The following C10orf90 variants were observed in gnomAD, a reference collection of about 807,000 sequenced individuals.
C10orf90 encodes (E2-independent) E3 ubiquitin-conjugating enzyme FATS.
Under a neutral mutation model 62.5 loss-of-function variants are expected in C10orf90, and 56 were observed. That is an observed-to-expected ratio of 0.90 (90% CI 0.72 to 1.12). The LOEUF (loss-of-function observed/expected upper bound fraction) is 1.12, where lower values mean the gene tolerates loss of function less well. C10orf90 is among the 50% of genes most tolerant of loss of function. The probability of loss-of-function intolerance (pLI) is 0.00; values close to 1 mark genes in which losing one functional copy is unlikely to be tolerated. For missense variants in C10orf90, 970 were observed against 880.4 expected (o/e 1.10, Z -1.29); for synonymous variants, 386 against 340.4 (o/e 1.13, Z -1.47).
chr10:126,644,370 G>C (rs542845261), intron 2 of C10orf90, among the ~76,000 whole-genome samples: 46 of 152,344 alleles, frequency 3.0e-4, no homozygotes, highest in African/African-American at 1.1e-3. Flanking sequence ...CTCTTAAACA[G>C]ATGGAAACAA....
chr10:126,624,734 A>AT (rs2133820647), intron 2 of C10orf90, among the ~76,000 whole-genome samples: 1 of 152,174 alleles, frequency 6.6e-6, no homozygotes, highest in East Asian at 1.9e-4. Context: ...CACCTTTTGA[A>AT]TTTTTGCTGA....
At chr10:126,469,977 G>A (rs534441563) in intron 4 of C10orf90, 1 of 456,774 alleles carries the variant, frequency 2.2e-6, no homozygotes, top group East Asian at 6.9e-5. Flanking sequence ...TGCGGAGGCA[G>A]GGAAGGCATT....
rs1276371695 is a variant in C10orf90 at position 126,513,925 on chromosome 10, A to C, written c.328T>G (p.Tyr110Asp). 2.5e-6 allele frequency: 4 copies of C among 1,612,392 alleles called. No individual in the cohort carries two copies. The highest frequency in any genetic ancestry group is 3.4e-6 in the Non-Finnish European group (4 of 1,178,960). Residue 110 changes from tyrosine to aspartate, a missense_variant, in exon 3 of 10, where the codon TAC becomes GAC. Coordinates refer to ENST00000488181, the MANE Select transcript of C10orf90 (RefSeq NM_001350921.2). ...SLSNAGLRDS[Y>D]HSRRDQIALK... ...GCAATTTGATCTCTTCTACTGTGGT[A>C]GCTGTCCCGTAATCCTAGGCAAAAG... is the stretch of plus-strand genomic sequence containing the variant.
chr10:126,553,578 T>C (rs763167328), intron 2 of C10orf90, among the ~76,000 whole-genome samples: 2 of 152,194 alleles, frequency 1.3e-5, no homozygotes, highest in Non-Finnish European at 2.9e-5. Context: ...TTCCTACGTA[T>C]AGATATGTTT....
At chr10:126,468,964 T>C (rs550381949) in intron 4 of C10orf90, among the ~76,000 whole-genome samples, 2 of 152,336 alleles carry the variant, frequency 1.3e-5, no homozygotes, top group South Asian at 2.1e-4. Context: ...AAATCTTCGA[T>C]GTTCTTATAT....
At chr10:126,521,852 C>A (rs944083468) in intron 2 of C10orf90, among the ~76,000 whole-genome samples, 3 of 151,916 alleles carry the variant, frequency 2.0e-5, no homozygotes, top group African/African-American at 4.8e-5. Flanking sequence ...TAATTTATAC[C>A]CAACCAAATT....
intron 7 of C10orf90, among the ~76,000 whole-genome samples, chr10:126,455,962 C>A (rs1315221659): frequency 2.6e-5 from 4 of 152,190 alleles, no homozygotes; most frequent in Non-Finnish European, 5.9e-5. Flanking sequence ...CCCACTTGAA[C>A]CTTTCAGGTT....
intron 2 of C10orf90, among the ~76,000 whole-genome samples, chr10:126,632,695 T>A (rs1305923740): frequency 2.0e-5 from 3 of 152,128 alleles, no homozygotes; most frequent in Non-Finnish European, 4.4e-5. Context: ...AACTTTTAGA[T>A]CTTTCCATCA....
chr10:126,604,277 G>C (rs868705654), intron 2 of C10orf90, among the ~76,000 whole-genome samples: 10 of 152,264 alleles, frequency 6.6e-5, no homozygotes, highest in Middle Eastern at 3.4e-3. Context: ...GGGGAAACCA[G>C]CATCACCTGG....
At chr10:126,469,581 C>T (rs969537919) in intron 4 of C10orf90, among the ~76,000 whole-genome samples, 2 of 152,218 alleles carry the variant, frequency 1.3e-5, no homozygotes, top group African/African-American at 4.8e-5. Flanking sequence ...GGGCCATCAA[C>T]ATAAACATCA....
At chr10:126,497,120 G>A (rs930792771) in intron 4 of C10orf90, among the ~76,000 whole-genome samples, 2 of 152,148 alleles carry the variant, frequency 1.3e-5, no homozygotes, top group South Asian at 2.1e-4. Context: ...AGGCTGTTGC[G>A]GTGCCAGCAG....
At chr10:126,565,133 A>ATTTATATTACATATTATGT (rs1471799848) in intron 2 of C10orf90, among the ~76,000 whole-genome samples, 5 of 21,710 alleles carry the variant, frequency 2.3e-4, no homozygotes, top group African/African-American at 6.3e-4. Flanking sequence ...TATATAATAT[A>ATTTATATTACATATTATGT]AATATAATAT....
intron 2 of C10orf90, among the ~76,000 whole-genome samples, chr10:126,616,122 T>A (rs1845536031): frequency 6.6e-6 from 1 of 152,178 alleles, no homozygotes; most frequent in African/African-American, 2.4e-5. Context: ...ACCCCAGCAC[T>A]TCTTGTTGGA....
intron 4 of C10orf90, among the ~76,000 whole-genome samples, chr10:126,472,267 T>C (rs1402531246): frequency 6.6e-6 from 1 of 152,178 alleles, no homozygotes; most frequent in East Asian, 1.9e-4. Flanking sequence ...AAGCAATAAA[T>C]GATCACTGTA....
At chr10:126,624,677 T>A (rs1374506798) in intron 2 of C10orf90, among the ~76,000 whole-genome samples, 1 of 152,236 alleles carries the variant, frequency 6.6e-6, no homozygotes, top group Non-Finnish European at 1.5e-5. Flanking sequence ...CCTGCTTATG[T>A]TACTTATCCC....
chr10:126,582,885 G>A (rs1294970355), intron 2 of C10orf90, among the ~76,000 whole-genome samples: 1 of 152,166 alleles, frequency 6.6e-6, no homozygotes, highest in East Asian at 1.9e-4. Context: ...AGAAGCGGGT[G>A]GTGCCACAAA....
At chr10:126,494,626 T>G (rs79432525) in intron 4 of C10orf90, among the ~76,000 whole-genome samples, 2,845 of 152,364 alleles carry the variant, frequency 0.019, 35 homozygotes, top group Middle Eastern at 0.061. Flanking sequence ...AGCATAGTTC[T>G]GCAAGAGACC....
intron 2 of C10orf90, among the ~76,000 whole-genome samples, chr10:126,616,868 T>C (rs1845551510): frequency 6.6e-6 from 1 of 152,150 alleles, no homozygotes; most frequent in Non-Finnish European, 1.5e-5. Context: ...TCCCATGACC[T>C]TCAGTGCCCC....
At chr10:126,488,214 C>A (rs2133825661) in intron 4 of C10orf90, among the ~76,000 whole-genome samples, 1 of 152,120 alleles carries the variant, frequency 6.6e-6, no homozygotes, top group South Asian at 2.1e-4. Flanking sequence ...ATGATAATAA[C>A]TAGCAAAGTT....
Sources: gnomAD v4.1 joint callset for allele counts (sites outside exome capture counted in the v4.1 genomes callset) on GRCh38, gnomAD v4.1.1 for gene constraint, MANE v1.5 for transcripts, NCBI Gene and HGNC (gene_info 2026-07-23, HGNC 2026-07-21) for gene names.